Variants in CNTNAP2 observed in about 807,000 individuals in gnomAD.
The protein encoded by CNTNAP2 is contactin-associated protein-like 2.
Under a neutral mutation model 155.2 loss-of-function variants are expected in CNTNAP2, and 98 were observed. The observed-to-expected ratio is 0.63, with a 90% confidence interval of 0.54 to 0.75. The LOEUF (loss-of-function observed/expected upper bound fraction) is 0.75. Among genes scored for constraint, CNTNAP2 ranks in the 30% least tolerant of loss-of-function variants. The pLI is 0.00. For synonymous variants in CNTNAP2, 651 were observed against 631.2 expected, an observed-to-expected ratio of 1.03 and a Z score of -0.47; for missense variants, 1,727 against 1,688.1, an observed-to-expected ratio of 1.02 and a Z score of -0.40.
intron 1 of CNTNAP2, among the ~76,000 whole-genome samples, chr7:146,148,191 C>T (rs917350520): frequency 6.6e-6 from 1 of 151,960 alleles, no homozygotes; most frequent in Non-Finnish European, 1.5e-5. Context: ...CTTTGCCAAC[C>T]AGTAAATTAT....
chr7:147,346,683 C>T (rs1795868644), intron 9 of CNTNAP2, among the ~76,000 whole-genome samples: 1 of 152,160 alleles, frequency 6.6e-6, no homozygotes, highest in Non-Finnish European at 1.5e-5. Context: ...TCAGGGACTA[C>T]CACAATTTAC....
intron 11 of CNTNAP2, among the ~76,000 whole-genome samples, chr7:147,526,560 AG>A (rs1799325772): frequency 6.6e-6 from 1 of 152,246 alleles, no homozygotes; most frequent in African/African-American, 2.4e-5. Flanking sequence ...CATTGCTTGA[AG>A]GAATAATTTT....
chr7:148,233,251 C>T (rs903508916), intron 20 of CNTNAP2, among the ~76,000 whole-genome samples: 4 of 152,192 alleles, frequency 2.6e-5, no homozygotes, highest in African/African-American at 9.6e-5. Context: ...TCCTTCCTTC[C>T]GTCTTGCCAT....
In CNTNAP2 at chr7:148,049,632, G is replaced by A. The variant is rs114775053; in HGVS notation, c.2384-68486G>A. Among the ~76,000 whole-genome samples the A allele has an allele frequency of 6.1e-3, 934 of 152,254 alleles. 8 individuals are homozygous for A. Among genetic ancestry groups the A allele is most frequent in the African/African-American group, 0.021 (893 of 41,544 alleles). ...AGGAGCTGAACATTTCCTATGCCTA[G>A]TAACATCACAGCTGTTGTTAAGGTC... On this transcript the variant is annotated intron_variant, in intron 15 of 23. Coordinates refer to ENST00000361727, the MANE Select transcript of CNTNAP2 (RefSeq NM_014141.6).
At chr7:146,908,291 C>G (rs986706606) in intron 3 of CNTNAP2, among the ~76,000 whole-genome samples, 1 of 150,130 alleles carries the variant, frequency 6.7e-6, no homozygotes, top group Non-Finnish European at 1.5e-5. Context: ...CAGCTCTGCA[C>G]CAAGCGGACC....
chr7:148,292,044 A>C (rs550898587), intron 21 of CNTNAP2, among the ~76,000 whole-genome samples: 39 of 152,340 alleles, frequency 2.6e-4, no homozygotes, highest in Non-Finnish European at 4.7e-4. Context: ...CTAGGAGTAA[A>C]GAAAAAAAAC....
intron 18 of CNTNAP2, among the ~76,000 whole-genome samples, chr7:148,177,823 A>T (rs1277773348): frequency 6.6e-6 from 1 of 152,230 alleles, no homozygotes; most frequent in African/African-American, 2.4e-5. Context: ...GTGATTGAGT[A>T]AAAAGAAATT....
At chr7:146,628,061 T>C (rs1260988513) in intron 1 of CNTNAP2, among the ~76,000 whole-genome samples, 1 of 152,180 alleles carries the variant, frequency 6.6e-6, no homozygotes, top group African/African-American at 2.4e-5. Context: ...TATTTAATAG[T>C]ACTAAATAGA....
intron 2 of CNTNAP2, among the ~76,000 whole-genome samples, chr7:146,830,709 GT>G (rs1803493395): frequency 2.0e-5 from 3 of 152,162 alleles, no homozygotes; most frequent in African/African-American, 7.2e-5. Flanking sequence ...ATAGGTTCAG[GT>G]TTCCAGCCAG....
intron 13 of CNTNAP2, among the ~76,000 whole-genome samples, chr7:147,801,217 C>A (rs904972571): frequency 5.3e-5 from 8 of 151,374 alleles, no homozygotes; most frequent in Non-Finnish European, 1.2e-4. Context: ...TATTATATAT[C>A]ATGCATACAT....
chr7:147,130,536 A>C (rs142432590), intron 7 of CNTNAP2, among the ~76,000 whole-genome samples: 96 of 152,296 alleles, frequency 6.3e-4, no homozygotes, highest in African/African-American at 2.2e-3. Flanking sequence ...TATTTTAACA[A>C]ATAATTGCAG....
intron 22 of CNTNAP2, among the ~76,000 whole-genome samples, chr7:148,407,785 A>G (rs1799737795): frequency 6.6e-6 from 1 of 150,998 alleles, no homozygotes. Context: ...TCCCCCAGTT[A>G]AAGACTTGGG....
chr7:146,328,204 G>T (rs1490756993), intron 1 of CNTNAP2, among the ~76,000 whole-genome samples: 1 of 152,106 alleles, frequency 6.6e-6, no homozygotes, highest in Non-Finnish European at 1.5e-5. Flanking sequence ...GAGGGATCTA[G>T]GTTGCGCACT....
intron 1 of CNTNAP2, among the ~76,000 whole-genome samples, chr7:146,644,337 C>T (rs1376347913): frequency 6.6e-6 from 1 of 152,082 alleles, no homozygotes; most frequent in Non-Finnish European, 1.5e-5. Flanking sequence ...CCATCAATAC[C>T]TAATTTATGG....
At position 146,590,597 on chromosome 7, in the gene CNTNAP2, C is replaced by A. The variant is rs888020224; in HGVS notation, c.98-183674C>A. Among the ~76,000 whole-genome samples the A allele has an allele frequency of 5.9e-5, 9 of 152,264 alleles. No individual in the cohort carries two copies. The South Asian group carries it at 1.9e-3, about 32-fold the overall frequency. ...CAAATCCAAAACTATTTGAGTGCCA[C>A]CATGACATCACAAGTGGAAAATTCC... On this transcript the variant is annotated intron_variant, in intron 1 of 23. Coordinates refer to ENST00000361727, the MANE Select transcript of CNTNAP2 (RefSeq NM_014141.6).
At chr7:148,192,599 C>G (rs1795217596) in intron 18 of CNTNAP2, among the ~76,000 whole-genome samples, 1 of 151,430 alleles carries the variant, frequency 6.6e-6, no homozygotes, top group African/African-American at 2.4e-5. Context: ...GCACTCCAGC[C>G]TGGGCTACAA....
intron 13 of CNTNAP2, among the ~76,000 whole-genome samples, chr7:147,833,738 C>A (rs1798591015): frequency 6.6e-6 from 1 of 152,218 alleles, no homozygotes; most frequent in Admixed American, 6.5e-5. Flanking sequence ...CCATCCAAAT[C>A]TCCCACAGGA....
At chr7:147,872,965 T>A (rs577235544) in intron 13 of CNTNAP2, among the ~76,000 whole-genome samples, 1 of 152,246 alleles carries the variant, frequency 6.6e-6, no homozygotes, top group Non-Finnish European at 1.5e-5. Context: ...TACCATTCAA[T>A]ACATGTGCTG....
intron 3 of CNTNAP2, among the ~76,000 whole-genome samples, chr7:146,989,619 T>A (rs112479639): frequency 2.6e-5 from 4 of 152,274 alleles, no homozygotes; most frequent in African/African-American, 9.6e-5. Flanking sequence ...CATCTCTTGC[T>A]GCCCAACCAC....
Sources: gnomAD v4.1 joint callset for allele counts (sites outside exome capture counted in the v4.1 genomes callset) on GRCh38, gnomAD v4.1.1 for gene constraint, MANE v1.5 for transcripts, NCBI Gene and HGNC (gene_info 2026-07-23, HGNC 2026-07-21) for gene names.